GRIN2B: variants seen among roughly 807,000 people sequenced by gnomAD.
The protein encoded by GRIN2B is glutamate ionotropic receptor NMDA type subunit 2B, also known as glutamate receptor ionotropic, NMDA 2B.
Under a neutral mutation model 114.5 loss-of-function variants are expected in GRIN2B, and 5 were observed. The observed-to-expected ratio is 0.04, with a 90% CI of 0.02 to 0.09. The LOEUF (loss-of-function observed/expected upper bound fraction) is 0.09. GRIN2B is among the 10% of genes least tolerant of loss of function. The pLI, the probability that GRIN2B is intolerant of heterozygous loss-of-function variation, is 1.00. For missense variants in GRIN2B, 1,108 were observed against 1,943.5 expected (o/e 0.57, Z 8.08); for synonymous variants, 787 against 745.1 (o/e 1.06, Z -0.92).
At chr12:13,817,852 C>G (rs1864858084) in intron 3 of GRIN2B, among the ~76,000 whole-genome samples, 1 of 152,156 alleles carries the variant, frequency 6.6e-6, no homozygotes, top group South Asian at 2.1e-4. Context: ...GTCTACCTTG[C>G]TGAGTACTGT....
chr12:13,807,230 G>C (rs1010630592), intron 3 of GRIN2B, among the ~76,000 whole-genome samples: 2 of 152,100 alleles, frequency 1.3e-5, no homozygotes, highest in African/African-American at 4.8e-5. Context: ...GTGACCTTCT[G>C]CCCAAACCTG....
intron 3 of GRIN2B, among the ~76,000 whole-genome samples, chr12:13,837,376 T>A (rs966618023): frequency 6.6e-6 from 1 of 152,180 alleles, no homozygotes; most frequent in Non-Finnish European, 1.5e-5. Flanking sequence ...TCTGCACTTG[T>A]ACAACAATCT....
At chr12:13,737,476 G>C (rs978486928) in intron 4 of GRIN2B, among the ~76,000 whole-genome samples, 1 of 152,152 alleles carries the variant, frequency 6.6e-6, no homozygotes, top group African/African-American at 2.4e-5. Flanking sequence ...CTCCCAAAAT[G>C]CTGGGATTAC....
chr12:13,618,661 G>A (rs1949476337), intron 5 of GRIN2B, among the ~76,000 whole-genome samples: 1 of 152,118 alleles, frequency 6.6e-6, no homozygotes, highest in African/African-American at 2.4e-5. Context: ...CCTCAGAATT[G>A]TGCCCAAATT....
chr12:13,793,597 G>A (rs1332273391), intron 3 of GRIN2B, among the ~76,000 whole-genome samples: 2 of 152,048 alleles, frequency 1.3e-5, no homozygotes, highest in Non-Finnish European at 2.9e-5. Context: ...ACTTTTCTTT[G>A]GCCTATGATT....
chr12:13,570,100 G>C, intron 11 of GRIN2B, 83 bp from the exon 12 acceptor site: 1 of 947,462 alleles, frequency 1.1e-6, no homozygotes, highest in Non-Finnish European at 1.7e-6. Flanking sequence ...GAAGCAGTAG[G>C]GTTCCAGAAA....
At chr12:13,859,616 T>G (rs527993218) in intron 3 of GRIN2B, among the ~76,000 whole-genome samples, 1 of 152,288 alleles carries the variant, frequency 6.6e-6, no homozygotes, top group South Asian at 2.1e-4. Context: ...CTTTTTTTTC[T>G]TACTCCCTCA....
At chr12:13,640,923 C>G (rs575564188) in intron 5 of GRIN2B, among the ~76,000 whole-genome samples, 5 of 152,108 alleles carry the variant, frequency 3.3e-5, no homozygotes, top group African/African-American at 1.2e-4. Context: ...GTTGTTACAC[C>G]AGGTTACTTA....
chr12:13,859,291 T>C (rs1865714546), intron 3 of GRIN2B, among the ~76,000 whole-genome samples: 1 of 152,174 alleles, frequency 6.6e-6, no homozygotes, highest in Non-Finnish European at 1.5e-5. Flanking sequence ...TGACAAGTGA[T>C]GGCTGGTGTG....
chr12:13,730,918 C>A (rs568824821), intron 4 of GRIN2B, among the ~76,000 whole-genome samples: 5 of 152,250 alleles, frequency 3.3e-5, no homozygotes, highest in African/African-American at 1.2e-4. Context: ...ATGGTTATTT[C>A]TTTTGGCTTT....
intron 3 of GRIN2B, among the ~76,000 whole-genome samples, chr12:13,855,049 GAA>G (rs3082840): frequency 0.16 from 14,165 of 87,936 alleles, 1,012 homozygotes; most frequent in South Asian, 0.24. Context: ...CATCTCTACT[GAA>G]AAAAAAAAAA....
chr12:13,753,122 C>A lies in GRIN2B; in HGVS notation c.1010+195G>T, dbSNP rs941123039. ...TAACATCTAACACATAATAAGTGCT[C>A]AATAAATGAAAGTTGTTTTGGCAAG... On this transcript the variant is annotated intron_variant, in intron 4 of 13. Transcript: ENST00000609686. The surrounding 1 kb of genome is among the most constrained non-coding windows in gnomAD (Gnocchi z 6.2). Among the ~76,000 whole-genome samples the A allele has an allele frequency of 6.6e-5, 10 of 152,188 alleles. No individual in the cohort carries two copies. The highest frequency in any genetic ancestry group is 1.9e-4 in the African/African-American group (8 of 41,434).
chr12:13,978,035 T>A (rs1422417143), intron 2 of GRIN2B, among the ~76,000 whole-genome samples: 2 of 152,066 alleles, frequency 1.3e-5, no homozygotes, highest in African/African-American at 2.4e-5. Context: ...TCAAACAGCA[T>A]CCTTGTCAAA....
At chr12:13,681,458 G>T (rs1226135803) in intron 4 of GRIN2B, among the ~76,000 whole-genome samples, 1 of 152,042 alleles carries the variant, frequency 6.6e-6, no homozygotes, top group Non-Finnish European at 1.5e-5. Flanking sequence ...AGTGATAAAA[G>T]AACACAGTTC....
chr12:13,702,819 G>A (rs1950324907), intron 4 of GRIN2B, among the ~76,000 whole-genome samples: 1 of 152,136 alleles, frequency 6.6e-6, no homozygotes, highest in African/African-American at 2.4e-5. Flanking sequence ...ACATGTTTAT[G>A]TGCTTGTCAA....
chr12:13,905,123 C>T (rs1277090289), intron 2 of GRIN2B, among the ~76,000 whole-genome samples: 1 of 152,096 alleles, frequency 6.6e-6, no homozygotes, highest in Non-Finnish European at 1.5e-5. Context: ...GTAGAATAAA[C>T]TTTTTCTCAT....
At chr12:13,884,508 G>C (rs1026844332) in intron 2 of GRIN2B, among the ~76,000 whole-genome samples, 1 of 151,916 alleles carries the variant, frequency 6.6e-6, no homozygotes, top group Non-Finnish European at 1.5e-5. Context: ...AGTAGTTTTT[G>C]TGTGTGTGTA....
At chr12:13,670,134 C>T (rs188277902) in intron 5 of GRIN2B, 2 of 152,258 alleles carry the variant, frequency 1.3e-5, no homozygotes, top group Admixed American at 1.3e-4. Flanking sequence ...AACTGTGTGC[C>T]ATGCACTTTC....
At chr12:13,640,121 C>G (rs1014313043) in intron 5 of GRIN2B, among the ~76,000 whole-genome samples, 2 of 152,060 alleles carry the variant, frequency 1.3e-5, no homozygotes, top group African/African-American at 2.4e-5. Context: ...CATGGTGGTA[C>G]ATGATTGTAG....
Sources: gnomAD v4.1 joint callset for allele counts (sites outside exome capture counted in the v4.1 genomes callset) on GRCh38, gnomAD v4.1.1 for gene constraint, Gnocchi (gnomAD v3.1) non-coding constraint, MANE v1.5 for transcripts, NCBI Gene and HGNC (gene_info 2026-07-23, HGNC 2026-07-21) for gene names.